Variants in SYT6 observed in about 807,000 individuals in gnomAD.
SYT6 encodes the protein synaptotagmin 6.
SYT6 carries 24 observed loss-of-function variants against 38.4 expected under a neutral mutation model. The observed-to-expected ratio is 0.62, with a 90% CI of 0.45 to 0.88. The LOEUF (loss-of-function observed/expected upper bound fraction) is 0.88. SYT6 is among the 40% of genes least tolerant of loss of function. The pLI is 0.00. For missense variants in SYT6, 611 were observed against 621.0 expected (o/e 0.98, Z 0.17); for synonymous variants, 265 against 241.9 (o/e 1.10, Z -0.89).
intron 3 of SYT6, among the ~76,000 whole-genome samples, chr1:114,118,045 T>C (rs146750392): frequency 6.6e-6 from 1 of 151,512 alleles, no homozygotes; most frequent in East Asian, 2.0e-4. Context: ...ATCTCCAAAC[T>C]GCATCCTGAC....
intron 3 of SYT6, among the ~76,000 whole-genome samples, chr1:114,115,821 G>T (rs1339542651): frequency 1.3e-5 from 2 of 151,994 alleles, no homozygotes; most frequent in Admixed American, 1.3e-4. Flanking sequence ...CTTGCCTAGG[G>T]TCTCATGTGC....
At chr1:114,152,849 G>C (rs1326809666) in intron 1 of SYT6, 3 of 152,244 alleles carry the variant, frequency 2.0e-5, no homozygotes, top group Non-Finnish European at 4.4e-5. Flanking sequence ...GGGTCAGCGC[G>C]GATCGGGCAG....
intron 4 of SYT6, among the ~76,000 whole-genome samples, chr1:114,102,181 G>A (rs1676012964): frequency 6.6e-6 from 1 of 152,204 alleles, no homozygotes; most frequent in Non-Finnish European, 1.5e-5. Flanking sequence ...AGCCTTGAGA[G>A]TCTTCAGTGA....
intron 1 of SYT6, among the ~76,000 whole-genome samples, chr1:114,149,580 G>A (rs1376875847): frequency 6.6e-6 from 1 of 152,118 alleles, no homozygotes; most frequent in Non-Finnish European, 1.5e-5. Context: ...CTAAATCGGA[G>A]ACTAATGTGG....
At chr1:114,146,170 G>T (rs1223932388) in intron 1 of SYT6, among the ~76,000 whole-genome samples, 4 of 152,230 alleles carry the variant, frequency 2.6e-5, no homozygotes, top group Non-Finnish European at 5.9e-5. Context: ...CACTGAGTGG[G>T]TTTGTCTTCA....
At chr1:114,115,596 T>C (rs1258551960) in intron 3 of SYT6, among the ~76,000 whole-genome samples, 2 of 152,088 alleles carry the variant, frequency 1.3e-5, no homozygotes, top group African/African-American at 4.8e-5. Flanking sequence ...TTTGTATTTT[T>C]GGTAGAGACG....
At chr1:114,116,951 C>T (rs886481473) in intron 3 of SYT6, among the ~76,000 whole-genome samples, 2 of 152,218 alleles carry the variant, frequency 1.3e-5, no homozygotes, top group African/African-American at 4.8e-5. Flanking sequence ...CCCTTGGCCT[C>T]ATGTTTTAGG....
At chr1:114,109,099 G>C (rs1012555541) in intron 3 of SYT6, among the ~76,000 whole-genome samples, 15 of 152,140 alleles carry the variant, frequency 9.9e-5, no homozygotes, top group African/African-American at 3.4e-4. Context: ...CTCTGTGTTG[G>C]GGGTACAGAG....
At position 114,090,420 on chromosome 1, in the gene SYT6, A is replaced by T. The variant is rs1320158857; in HGVS notation, c.*1714T>A. On this transcript the variant is annotated 3_prime_UTR_variant, in exon 8 of 8. Coordinates refer to ENST00000610222, the MANE Select transcript of SYT6 (RefSeq NM_001253772.2). ...AGCAGAAAATTCCTTTTGCCACAAT[A>T]TCCTGTTAACTCATGCCCAACCTGG... 6.6e-6 allele frequency: 1 copy of T among 152,372 alleles called. No individual in the cohort carries two copies. Among genetic ancestry groups the T allele is most frequent in the Non-Finnish European group, 1.5e-5 (1 of 68,032 alleles). The allele number at this position is 152,372 out of a possible 1,614,324, so 9.4% of individuals were successfully genotyped here.
rs752508421 is a variant in SYT6 at position 114,129,616 on chromosome 1, C to T, written c.1071+7879G>A. ...TCTTTCTTTCTTTCTTTCTTTCTTT[C>T]CTTTCTTTCTTTCTTTCTTTCTTTC... On this transcript the variant is annotated intron_variant, in intron 3 of 7. Transcript: ENST00000610222. Among the ~76,000 whole-genome samples the T allele has an allele frequency of 7.0e-3, 413 of 58,936 alleles. 3 individuals are homozygous for T. Among genetic ancestry groups the T allele is most frequent in the African/African-American group, 7.0e-3 (131 of 18,724 alleles). 38.7% of individuals were successfully genotyped at this position (58,936 alleles called of 152,430 possible).
chr1:114,149,411 G>A (rs1177912447), intron 1 of SYT6, among the ~76,000 whole-genome samples: 1 of 151,984 alleles, frequency 6.6e-6, no homozygotes, highest in African/African-American at 2.4e-5. Flanking sequence ...CAGAGATCCA[G>A]ACTGAGCTAC....
intron 1 of SYT6, among the ~76,000 whole-genome samples, chr1:114,147,593 G>A (rs1207850534): frequency 6.6e-6 from 1 of 152,210 alleles, no homozygotes; most frequent in Non-Finnish European, 1.5e-5. Flanking sequence ...AGCCCTGGCT[G>A]TGAAACTGAA....
intron 6 of SYT6, 33 bp from the exon 7 acceptor site, chr1:114,093,836 G>T (rs750178593): frequency 3.7e-6 from 6 of 1,603,390 alleles, no homozygotes; most frequent in Non-Finnish European, 5.1e-6. Flanking sequence ...TAAATGCCTG[G>T]TTGTTGAGGC....
intron 6 of SYT6, among the ~76,000 whole-genome samples, chr1:114,096,697 T>A (rs945529331): frequency 2.6e-5 from 4 of 152,322 alleles, no homozygotes; most frequent in African/African-American, 9.6e-5. Context: ...GGGGAGGGGA[T>A]GACTCTGTTT....
At chr1:114,115,982 G>T (rs555984815) in intron 3 of SYT6, among the ~76,000 whole-genome samples, 1 of 152,232 alleles carries the variant, frequency 6.6e-6, no homozygotes, top group Admixed American at 6.5e-5. Flanking sequence ...GCCGAGGACC[G>T]TGTAGGTTTT....
chr1:114,142,361 C>A (rs1571897082), intron 1 of SYT6, among the ~76,000 whole-genome samples: 1 of 152,108 alleles, frequency 6.6e-6, no homozygotes, highest in African/African-American at 2.4e-5. Flanking sequence ...GTGGAAATAG[C>A]AAGAGAACCA....
intron 3 of SYT6, among the ~76,000 whole-genome samples, chr1:114,123,455 C>G (rs1473762140): frequency 1.3e-5 from 2 of 152,152 alleles, no homozygotes; most frequent in Non-Finnish European, 2.9e-5. Context: ...AGGGGCTGTC[C>G]TCTCCCCTCT....
intron 1 of SYT6, among the ~76,000 whole-genome samples, chr1:114,143,571 T>TGTGC (rs1216839140): frequency 6.7e-6 from 1 of 150,202 alleles, no homozygotes; most frequent in African/African-American, 2.5e-5. Flanking sequence ...TGTGTGTGTG[T>TGTGC]GTGTATATAT....
chr1:114,123,004 C>T (rs1173631127), intron 3 of SYT6, among the ~76,000 whole-genome samples: 5 of 152,202 alleles, frequency 3.3e-5, no homozygotes, highest in Non-Finnish European at 7.3e-5. Context: ...CCGGGGCCCG[C>T]GAGGCACTCT....
Sources: gnomAD v4.1 joint callset for allele counts (sites outside exome capture counted in the v4.1 genomes callset) on GRCh38, gnomAD v4.1.1 for gene constraint, MANE v1.5 for transcripts, NCBI Gene and HGNC (gene_info 2026-07-23, HGNC 2026-07-21) for gene names.